ADAM10: variants seen among roughly 807,000 people sequenced by gnomAD.
ADAM10 encodes disintegrin and metalloproteinase domain-containing protein 10.
Under a neutral mutation model 90.1 loss-of-function variants are expected in ADAM10, and 17 were observed. That is an observed-to-expected ratio of 0.19 (90% CI 0.13 to 0.28). ADAM10 has a LOEUF of 0.28. ADAM10 is among the 10% of genes least tolerant of loss of function. The probability of loss-of-function intolerance (pLI) is 1.00; values close to 1 mark genes in which losing one functional copy is unlikely to be tolerated. For missense variants in ADAM10, 610 were observed against 914.3 expected, an observed-to-expected ratio of 0.67 and a Z score of 4.29; for synonymous variants, 310 against 298.6, an observed-to-expected ratio of 1.04 and a Z score of -0.40.
At chr15:58,712,874 C>G (rs1348687150) in intron 2 of ADAM10, among the ~76,000 whole-genome samples, 1 of 151,904 alleles carries the variant, frequency 6.6e-6, no homozygotes, top group Non-Finnish European at 1.5e-5. Flanking sequence ...TATCTAAGAA[C>G]AAGAGAAGGG....
At chr15:58,616,351 A>C (rs1375611133) in intron 11 of ADAM10, among the ~76,000 whole-genome samples, 1 of 152,242 alleles carries the variant, frequency 6.6e-6, no homozygotes, top group African/African-American at 2.4e-5. Context: ...TAGCACATGA[A>C]ACATTCTCCA....
chr15:58,597,598 G>A lies in ADAM10; in HGVS notation c.2196C>T (p.Pro732=). 3.1e-6 allele frequency: 5 copies of A among 1,614,086 alleles called. No homozygotes were observed. Among genetic ancestry groups the A allele is most frequent in the Non-Finnish European group, 4.2e-6 (5 of 1,180,006 alleles). The change falls in exon 16 of 16, where the codon CCC becomes CCT. Residue 732 remains proline (P), a synonymous_variant. Transcript: ENST00000260408. Reference sequence around the variant, plus strand: ...AACTCTCTCGGGGCCGCTGACGCTGGGGTTGCTGAATGGGCTGTGGAGGTC... The same window carrying A: ...AACTCTCTCGGGGCCGCTGACGCTGAGGTTGCTGAATGGGCTGTGGAGGTC... ...RRRPPQPIQQ[P]QRQRPRESYQ...
chr15:58,718,815 C>G (rs1898750001), intron 1 of ADAM10, among the ~76,000 whole-genome samples: 1 of 152,154 alleles, frequency 6.6e-6, no homozygotes. Context: ...CTCTCTTCAC[C>G]CTGATATTCT....
chr15:58,610,898 A>G (rs1895420839), intron 13 of ADAM10, 101 bp downstream of exon 13: 1 of 897,528 alleles, frequency 1.1e-6, no homozygotes, highest in Non-Finnish European at 1.9e-6. Flanking sequence ...TTAGCTGGAA[A>G]TTATCTGGCC....
At chr15:58,633,030 T>A (rs1896145666) in intron 9 of ADAM10, among the ~76,000 whole-genome samples, 166 bp downstream of exon 9, 1 of 152,216 alleles carries the variant, frequency 6.6e-6, no homozygotes, top group Non-Finnish European at 1.5e-5. Flanking sequence ...ACCACAAACA[T>A]TCTATCTTCC....
At chr15:58,617,421 G>C (rs1272254436) in intron 11 of ADAM10, among the ~76,000 whole-genome samples, 3 of 151,932 alleles carry the variant, frequency 2.0e-5, no homozygotes, top group African/African-American at 7.3e-5. Context: ...TAACAAGATT[G>C]AATCAGTAAT....
At chr15:58,667,942 G>C (rs1897114881) in intron 4 of ADAM10, among the ~76,000 whole-genome samples, 1 of 151,962 alleles carries the variant, frequency 6.6e-6, no homozygotes, top group Non-Finnish European at 1.5e-5. Context: ...AAAGCACAGA[G>C]TGATTGTCCC....
chr15:58,621,720 GA>G, intron 10 of ADAM10, 99 bp from the exon 11 acceptor site: 2 of 1,446,904 alleles, frequency 1.4e-6, no homozygotes, highest in Non-Finnish European at 1.9e-6. Flanking sequence ...AGGGATAAAG[GA>G]AAACTTTGAT....
intron 14 of ADAM10, among the ~76,000 whole-genome samples, chr15:58,602,499 C>T (rs1171163931): frequency 6.6e-6 from 1 of 152,132 alleles, no homozygotes; most frequent in Non-Finnish European, 1.5e-5. Flanking sequence ...GCCACTATAG[C>T]TCCCCAACTT....
At chr15:58,607,590 G>A (rs1447241154) in intron 14 of ADAM10, among the ~76,000 whole-genome samples, 2 of 152,226 alleles carry the variant, frequency 1.3e-5, no homozygotes, top group Admixed American at 6.5e-5. Flanking sequence ...AAGAATACCA[G>A]ATACTTACTA....
chr15:58,686,008 A>C (rs993438711), intron 2 of ADAM10, among the ~76,000 whole-genome samples: 3 of 152,182 alleles, frequency 2.0e-5, no homozygotes, highest in Non-Finnish European at 4.4e-5. Context: ...TAAATGAAAC[A>C]ACTGCTTTCA....
At chr15:58,625,781 C>A (rs1175591875) in intron 10 of ADAM10, among the ~76,000 whole-genome samples, 1 of 152,080 alleles carries the variant, frequency 6.6e-6, no homozygotes, top group Non-Finnish European at 1.5e-5. Context: ...GATGGTTAAA[C>A]AAATTGCAGT....
At chr15:58,715,581 A>G (rs1351559208) in intron 2 of ADAM10, among the ~76,000 whole-genome samples, 6 of 152,192 alleles carry the variant, frequency 3.9e-5, no homozygotes, top group Admixed American at 1.3e-4. Flanking sequence ...GCCTTATACA[A>G]TAACAGGCAC....
At chr15:58,637,893 A>T (rs553356008) in intron 8 of ADAM10, among the ~76,000 whole-genome samples, 1 of 152,258 alleles carries the variant, frequency 6.6e-6, no homozygotes, top group South Asian at 2.1e-4. Context: ...ACACCTCATA[A>T]GGGTATTGAA....
At chr15:58,644,058 T>C in intron 6 of ADAM10, 80 bp from the exon 7 acceptor site, 1 of 1,013,938 alleles carries the variant, frequency 9.9e-7, no homozygotes, top group Non-Finnish European at 1.5e-6. Context: ...CCAAAATCAG[T>C]AATTATTCAT....
intron 2 of ADAM10, among the ~76,000 whole-genome samples, chr15:58,709,813 T>C (rs1031353666): frequency 1.3e-5 from 2 of 152,132 alleles, no homozygotes; most frequent in Admixed American, 1.3e-4. Context: ...GATTACCTTT[T>C]AGAGGAAACA....
At chr15:58,742,074 T>C (rs976296459) in intron 1 of ADAM10, among the ~76,000 whole-genome samples, 1 of 152,242 alleles carries the variant, frequency 6.6e-6, no homozygotes, top group Admixed American at 6.5e-5. Flanking sequence ...TATTTTTATA[T>C]TTTGGCATTT....
intron 2 of ADAM10, among the ~76,000 whole-genome samples, chr15:58,696,250 G>A (rs1474308763): frequency 7.9e-5 from 12 of 151,864 alleles, no homozygotes; most frequent in African/African-American, 2.4e-4. Context: ...TCACGCCACT[G>A]CACTCCAAGT....
At chr15:58,746,087 G>C (rs1899782522) in intron 1 of ADAM10, among the ~76,000 whole-genome samples, 1 of 152,164 alleles carries the variant, frequency 6.6e-6, no homozygotes, top group South Asian at 2.1e-4. Context: ...TGGATAAAAA[G>C]CTTATTAGGG....
Sources: gnomAD v4.1 joint callset for allele counts (sites outside exome capture counted in the v4.1 genomes callset) on GRCh38, gnomAD v4.1.1 for gene constraint, MANE v1.5 for transcripts, NCBI Gene and HGNC (gene_info 2026-07-23, HGNC 2026-07-21) for gene names.